Variants in CDH4 observed in about 807,000 individuals in gnomAD.
The protein encoded by CDH4 is cadherin 4, also known as cadherin-4.
CDH4 carries 33 observed loss-of-function variants against 86.0 expected under a neutral mutation model. The ratio of observed to expected loss-of-function variants is 0.38; its 90% CI spans 0.29 to 0.51. The LOEUF (loss-of-function observed/expected upper bound fraction) is 0.51. Ranked by LOEUF, CDH4 falls within the 20% of genes least tolerant of loss-of-function variation. The probability of loss-of-function intolerance (pLI) is 0.86; values close to 1 mark genes in which losing one functional copy is unlikely to be tolerated. For synonymous variants in CDH4, 555 were observed against 549.4 expected, an observed-to-expected ratio of 1.01 and a Z score of -0.14; for missense variants, 1,114 against 1,307.4, an observed-to-expected ratio of 0.85 and a Z score of 2.28.
rs561428679 is a variant in CDH4 at position 61,684,094 on chromosome 20, G to T, written c.170-59469G>T. The stretch of plus-strand genomic sequence containing the variant: ...TGTGTGGATTCATTTAACAGGGTTG[G>T]CTGATACCTACTGTGTAGCAGGGAT... On this transcript the variant is annotated intron_variant, in intron 2 of 15. Transcript: ENST00000614565. This position sits in a 1 kb window ranked among gnomAD's most constrained non-coding sequence, Gnocchi z 4.5. Among the ~76,000 whole-genome samples, 1 of 152,240 alleles carries T rather than the reference G, an allele frequency of 6.6e-6. No homozygotes were observed. The highest frequency in any genetic ancestry group is 1.5e-5 in the Non-Finnish European group (1 of 68,038).
intron 2 of CDH4, among the ~76,000 whole-genome samples, chr20:61,319,748 C>A (rs2084497734): frequency 6.6e-6 from 1 of 151,458 alleles, no homozygotes; most frequent in South Asian, 2.1e-4. Context: ...GAGTTCAAGA[C>A]CACCCTGGCC....
chr20:61,665,844 C>G (rs968933275), intron 2 of CDH4, among the ~76,000 whole-genome samples: 3 of 152,206 alleles, frequency 2.0e-5, no homozygotes, highest in African/African-American at 7.2e-5. Flanking sequence ...GCTGCATTCT[C>G]TGGACCCTGG....
intron 2 of CDH4, among the ~76,000 whole-genome samples, chr20:61,707,392 A>C (rs1198543774): frequency 6.6e-6 from 1 of 152,218 alleles, no homozygotes; most frequent in Non-Finnish European, 1.5e-5. Flanking sequence ...TTATACAGGG[A>C]AAGGACATCT....
At chr20:61,626,469 G>A (rs2086830949) in intron 2 of CDH4, among the ~76,000 whole-genome samples, 1 of 150,834 alleles carries the variant, frequency 6.6e-6, no homozygotes, top group Non-Finnish European at 1.5e-5. Flanking sequence ...AAGCACCCGT[G>A]TTCCCGAAGT....
At chr20:61,784,061 A>G (rs1240614255) in intron 4 of CDH4, among the ~76,000 whole-genome samples, 2 of 29,942 alleles carry the variant, frequency 6.7e-5, no homozygotes, top group African/African-American at 2.3e-4. Context: ...TGTGCCCCCA[A>G]GAGAAATGTA....
At chr20:61,792,147 G>A (rs1211546074) in intron 4 of CDH4, among the ~76,000 whole-genome samples, 9 of 152,118 alleles carry the variant, frequency 5.9e-5, no homozygotes, top group Admixed American at 5.2e-4. Flanking sequence ...AGGCGTGAAG[G>A]TGAGGAGGGG....
intron 3 of CDH4, among the ~76,000 whole-genome samples, chr20:61,748,172 G>C (rs551773261): frequency 6.6e-6 from 1 of 152,232 alleles, no homozygotes; most frequent in East Asian, 1.9e-4. Context: ...TCGCTCTGTT[G>C]CCCAGACTGC....
At position 61,923,493 on chromosome 20, in the gene CDH4, A is replaced by G. The variant is rs1289461693; in HGVS notation, c.1417A>G (p.Met473Val). ...CAACAGAGCTTTCATGCTGACAGTG[A>G]TGGTGTCCAACCAGGCGCCCCTGGC... The part of the protein sequence containing the change: ...ELNRAFMLTV[M>V]VSNQAPLASG... Residue 473 changes from methionine to valine, a missense_variant, in exon 10 of 16, where the codon ATG becomes GTG. Transcript: ENST00000614565. 3 of 1,614,006 alleles carry G rather than the reference A, an allele frequency of 1.9e-6. No individual in the cohort carries two copies. The African/African-American group carries it at 4.0e-5, about 22-fold the overall frequency.
At chr20:61,881,899 G>T (rs1400959272) in intron 7 of CDH4, among the ~76,000 whole-genome samples, 4 of 152,252 alleles carry the variant, frequency 2.6e-5, no homozygotes, top group Admixed American at 6.5e-5. Context: ...AAAATCGTCT[G>T]CATTGGGGTG....
intron 2 of CDH4, among the ~76,000 whole-genome samples, chr20:61,485,380 G>A (rs530252409): frequency 2.6e-4 from 40 of 152,256 alleles, no homozygotes; most frequent in East Asian, 5.8e-4. Flanking sequence ...GCATCCCTGC[G>A]GAGGAGGCTG....
intron 2 of CDH4, among the ~76,000 whole-genome samples, chr20:61,654,437 G>GGGGAGA (rs532168210): frequency 2.3e-4 from 35 of 152,238 alleles, no homozygotes; most frequent in Middle Eastern, 6.8e-3. Flanking sequence ...GGGAGACCGT[G>GGGGAGA]GGGAGAGGGA....
rs73915314 is a variant in CDH4 at position 61,664,346 on chromosome 20, G to A, written c.170-79217G>A. ...GTTGCTAGTTTTAAGTCAAAAGCAG[G>A]ATGGGAAGGATAGGGGACTCCTGGG... On this transcript the variant is annotated intron_variant, in intron 2 of 15. Coordinates refer to ENST00000614565, the MANE Select transcript of CDH4 (RefSeq NM_001794.5). Among the ~76,000 whole-genome samples the A allele has an allele frequency of 4.0e-3, 609 of 152,332 alleles. 5 individuals are homozygous for A. Among genetic ancestry groups the A allele is most frequent in the African/African-American group, 0.014 (588 of 41,572 alleles).
intron 6 of CDH4, among the ~76,000 whole-genome samples, chr20:61,865,875 T>C (rs1983525989): frequency 6.6e-6 from 1 of 151,916 alleles, no homozygotes; most frequent in African/African-American, 2.4e-5. Flanking sequence ...AGATGATAGC[T>C]GGCTTCCTGG....
At chr20:61,782,617 T>G (rs184653677) in intron 4 of CDH4, among the ~76,000 whole-genome samples, 1 of 152,014 alleles carries the variant, frequency 6.6e-6, no homozygotes, top group East Asian at 1.9e-4. Flanking sequence ...ATGACAACAG[T>G]AGGAGAAAAA....
chr20:61,706,750 T>C (rs1421981259), intron 2 of CDH4, among the ~76,000 whole-genome samples: 1 of 152,196 alleles, frequency 6.6e-6, no homozygotes, highest in African/African-American at 2.4e-5. Flanking sequence ...GTGGGAACAG[T>C]GGTTGGGAAT....
intron 2 of CDH4, among the ~76,000 whole-genome samples, chr20:61,604,046 G>A (rs1199371888): frequency 1.3e-5 from 2 of 152,150 alleles, no homozygotes; most frequent in Non-Finnish European, 2.9e-5. Context: ...AATCCCCGTG[G>A]CCAGCTCCCT....
At chr20:61,368,594 G>A (rs1002045744) in intron 2 of CDH4, among the ~76,000 whole-genome samples, 1 of 151,676 alleles carries the variant, frequency 6.6e-6, no homozygotes, top group Non-Finnish European at 1.5e-5. Flanking sequence ...CAGGCTCACT[G>A]CAACCTCCAC....
At chr20:61,461,460 C>T (rs2085441705) in intron 2 of CDH4, among the ~76,000 whole-genome samples, 1 of 152,126 alleles carries the variant, frequency 6.6e-6, no homozygotes. Flanking sequence ...TTAAAAGTGA[C>T]TCGGCTTCCG....
intron 4 of CDH4, among the ~76,000 whole-genome samples, chr20:61,839,807 G>C (rs1322952415): frequency 6.6e-6 from 1 of 151,288 alleles, no homozygotes; most frequent in Non-Finnish European, 1.5e-5. Flanking sequence ...TGTGTATTGA[G>C]TGCACATGTG....
Sources: allele counts gnomAD v4.1 joint callset (sites outside exome capture counted in the v4.1 genomes callset), GRCh38; gene constraint gnomAD v4.1.1; non-coding constraint Gnocchi (gnomAD v3.1); transcripts MANE v1.5; gene names NCBI Gene and HGNC (gene_info 2026-07-23, HGNC 2026-07-21).